XKR4: variants seen among roughly 807,000 people sequenced by gnomAD.
XKR4 encodes the protein XK-related protein 4.
XKR4 carries 12 observed loss-of-function variants against 53.9 expected under a neutral mutation model. That is an observed-to-expected ratio of 0.22 (90% CI 0.14 to 0.36). The LOEUF is 0.36. XKR4 is among the 10% of genes least tolerant of loss of function. XKR4 has a pLI of 1.00. For missense variants in XKR4, 799 were observed against 859.5 expected (o/e 0.93, Z 0.88); for synonymous variants, 354 against 362.4 (o/e 0.98, Z 0.26).
intron 1 of XKR4, among the ~76,000 whole-genome samples, chr8:55,263,099 G>A (rs1818550950): frequency 6.6e-6 from 1 of 152,130 alleles, no homozygotes; most frequent in Non-Finnish European, 1.5e-5. Context: ...TCTCTCCACT[G>A]GGCTTCCTGC....
At chr8:55,452,976 G>GCT in intron 2 of XKR4, 1 of 716,880 alleles carries the variant, frequency 1.4e-6, no homozygotes, top group Middle Eastern at 2.4e-4. Context: ...GCTCAGGGAT[G>GCT]GCCACAGGCA....
At position 55,228,842 on chromosome 8, in the gene XKR4, T is replaced by TACACAC. The variant is rs71256522; in HGVS notation, c.806+125572_806+125577dup. Among the ~76,000 whole-genome samples, 838 of 150,074 alleles carry TACACAC rather than the reference T, an allele frequency of 5.6e-3. 8 individuals carry two copies. Among genetic ancestry groups the TACACAC allele is most frequent in the African/African-American group, 0.019 (789 of 40,806 alleles). On this transcript the variant is annotated intron_variant, in intron 1 of 2. Coordinates refer to ENST00000327381, the MANE Select transcript of XKR4 (RefSeq NM_052898.2). ...TGAAATGTATGTATATGTGTGTATG[T>TACACAC]ACACACACACACACACACACACACA...
intron 2 of XKR4, among the ~76,000 whole-genome samples, chr8:55,413,960 G>C (rs1804809935): frequency 6.6e-6 from 1 of 152,204 alleles, no homozygotes; most frequent in Admixed American, 6.5e-5. Context: ...ACTTTCAAAT[G>C]ATATGTACCC....
intron 1 of XKR4, among the ~76,000 whole-genome samples, chr8:55,237,727 CATG>C (rs778843683): frequency 2.0e-5 from 3 of 152,186 alleles, no homozygotes; most frequent in East Asian, 3.8e-4. Context: ...GTGTGATGAA[CATG>C]ATATTTGTTA....
At chr8:55,211,697 C>A (rs1338269961) in intron 1 of XKR4, among the ~76,000 whole-genome samples, 4 of 150,854 alleles carry the variant, frequency 2.7e-5, no homozygotes, top group African/African-American at 9.9e-5. Flanking sequence ...TAAAGTATAT[C>A]CTGCCCAAAT....
At chr8:55,437,523 G>A (rs1805193755) in intron 2 of XKR4, among the ~76,000 whole-genome samples, 1 of 152,184 alleles carries the variant, frequency 6.6e-6, no homozygotes, top group Non-Finnish European at 1.5e-5. Flanking sequence ...CATGGTCAGT[G>A]TTAGAGTCCT....
chr8:55,265,462 C>T (rs1190026511), intron 1 of XKR4, among the ~76,000 whole-genome samples: 3 of 152,090 alleles, frequency 2.0e-5, no homozygotes, highest in South Asian at 2.1e-4. Flanking sequence ...AGTGGGATCC[C>T]GAAGGCCAGA....
chr8:55,154,843 A>G (rs1335790540), intron 1 of XKR4, among the ~76,000 whole-genome samples: 1 of 152,204 alleles, frequency 6.6e-6, no homozygotes, highest in African/African-American at 2.4e-5. Flanking sequence ...TGAGAAGAGA[A>G]ATAAGTCAAT....
chr8:55,245,790 T>C (rs1396128865), intron 1 of XKR4, among the ~76,000 whole-genome samples: 2 of 152,114 alleles, frequency 1.3e-5, no homozygotes, highest in Non-Finnish European at 2.9e-5. Flanking sequence ...GTTAACTGTG[T>C]CTTAGAAATG....
chr8:55,284,803 G>A (rs535366463), intron 1 of XKR4, among the ~76,000 whole-genome samples: 2 of 152,294 alleles, frequency 1.3e-5, no homozygotes, highest in East Asian at 3.9e-4. Context: ...CCTTCTGAGG[G>A]AGGATTGCCA....
chr8:55,428,806 T>C (rs1236179516), intron 2 of XKR4, among the ~76,000 whole-genome samples: 5 of 152,230 alleles, frequency 3.3e-5, no homozygotes, highest in African/African-American at 1.2e-4. Flanking sequence ...AGACATACCA[T>C]GTTCATTAAT....
At chr8:55,118,766 T>C (rs1352359674) in intron 1 of XKR4, among the ~76,000 whole-genome samples, 1 of 152,230 alleles carries the variant, frequency 6.6e-6, no homozygotes, top group East Asian at 1.9e-4. Context: ...TAGCATTCCA[T>C]GAATAATTGT....
At chr8:55,427,938 C>T (rs933994817) in intron 2 of XKR4, among the ~76,000 whole-genome samples, 5 of 152,180 alleles carry the variant, frequency 3.3e-5, no homozygotes, top group Non-Finnish European at 7.4e-5. Context: ...CAGGGTCTCA[C>T]GATGAGGCTA....
At chr8:55,227,113 G>A (rs1817963480) in intron 1 of XKR4, among the ~76,000 whole-genome samples, 1 of 152,170 alleles carries the variant, frequency 6.6e-6, no homozygotes, top group African/African-American at 2.4e-5. Context: ...TGCACCCTGA[G>A]CACAGAGTCC....
In XKR4 at chr8:55,541,474, G is replaced by C. The variant is rs1037041463; in HGVS notation, c.*17247G>C. Reference sequence around the variant, plus strand: ...ACAGCAAATGGAAGAGAATGGACCAGTAATTTCTCAGTCCCCTGTTGTCAA... The same window carrying C: ...ACAGCAAATGGAAGAGAATGGACCACTAATTTCTCAGTCCCCTGTTGTCAA... On this transcript the variant is annotated 3_prime_UTR_variant, in exon 3 of 3. Transcript: ENST00000327381. 1 of 152,122 alleles carries C rather than the reference G, an allele frequency of 6.6e-6. No homozygotes were observed. The highest frequency in any genetic ancestry group is 1.5e-5 in the Non-Finnish European group (1 of 68,030). The allele number at this position is 152,122 out of a possible 1,614,324, so 9.4% of individuals were successfully genotyped here. A position where few individuals can be genotyped will look rare whatever the true frequency, so the allele number is the denominator to read the frequency against.
At chr8:55,134,966 G>A (rs1221386076) in intron 1 of XKR4, among the ~76,000 whole-genome samples, 1 of 149,646 alleles carries the variant, frequency 6.7e-6, no homozygotes, top group Non-Finnish European at 1.5e-5. Context: ...TTTTTTTTTA[G>A]TTTTTTGACA....
rs532160655 is a variant in XKR4, at chr8:55,229,372, C to T, written c.806+126078C>T. On this transcript the variant is annotated intron_variant, in intron 1 of 2. Transcript: ENST00000327381. ...CAGAGCTGACGCAGGTGAGGCACATCCCTCAGCTGGCGCTCCCTTCCCGGA... is the reference window on the plus strand; with the variant it reads ...CAGAGCTGACGCAGGTGAGGCACATTCCTCAGCTGGCGCTCCCTTCCCGGA... Among the ~76,000 whole-genome samples the T allele has an allele frequency of 5.3e-5, 8 of 152,302 alleles. No individual in the cohort carries two copies. The South Asian group carries it at 1.0e-3, about 20-fold the overall frequency.
chr8:55,294,248 T>A (rs1273710000), intron 1 of XKR4, among the ~76,000 whole-genome samples: 1 of 152,192 alleles, frequency 6.6e-6, no homozygotes, highest in South Asian at 2.1e-4. Flanking sequence ...AAGACTTAAT[T>A]TAAATTTTAT....
chr8:55,167,458 T>C (rs998272853), intron 1 of XKR4, among the ~76,000 whole-genome samples: 1 of 152,100 alleles, frequency 6.6e-6, no homozygotes, highest in Non-Finnish European at 1.5e-5. Context: ...CCTTAGAGGA[T>C]TGCTGAAAGG....
Sources: gnomAD v4.1 joint callset for allele counts (sites outside exome capture counted in the v4.1 genomes callset) on GRCh38, gnomAD v4.1.1 for gene constraint, MANE v1.5 for transcripts, NCBI Gene and HGNC (gene_info 2026-07-23, HGNC 2026-07-21) for gene names.